The following HS3ST5 variants were observed in gnomAD, a reference collection of about 807,000 sequenced individuals.
The protein encoded by HS3ST5 is heparan sulfate-glucosamine 3-sulfotransferase 5.
In HS3ST5, 10 loss-of-function variants were observed where a neutral mutation model predicts 25.4. That is an observed-to-expected ratio of 0.39 (90% CI 0.24 to 0.67). The LOEUF is 0.67. HS3ST5 is among the 30% of genes least tolerant of loss of function. The pLI, the probability that HS3ST5 is intolerant of heterozygous loss-of-function variation, is 0.44. For synonymous variants in HS3ST5, 170 were observed against 162.4 expected, an observed-to-expected ratio of 1.05 and a Z score of -0.36; for missense variants, 324 against 420.7, an observed-to-expected ratio of 0.77 and a Z score of 2.01.
rs1237628339 is a variant in HS3ST5, at chr6:114,057,103, G to T, written c.*154C>A. 5.5e-6 allele frequency: 3 copies of T among 546,736 alleles called. No individual in the cohort carries two copies. Among genetic ancestry groups the T allele is most frequent in the East Asian group, 2.9e-5 (1 of 34,336 alleles). 33.9% of individuals were successfully genotyped at this position (546,736 alleles called of 1,614,324 possible). ...TTTTCGTAAATTTTCAGTAGAAAAAGAACTGATCTTATATTTGGTCACACA... is the reference window on the plus strand; with the variant it reads ...TTTTCGTAAATTTTCAGTAGAAAAATAACTGATCTTATATTTGGTCACACA... On this transcript the variant is annotated 3_prime_UTR_variant, in exon 5 of 5. Coordinates refer to ENST00000312719, the MANE Select transcript of HS3ST5 (RefSeq NM_153612.4).
intron 1 of HS3ST5, among the ~76,000 whole-genome samples, chr6:114,296,457 T>C (rs1340147528): frequency 6.6e-6 from 1 of 152,194 alleles, no homozygotes; most frequent in Non-Finnish European, 1.5e-5. Flanking sequence ...AATGTATTCA[T>C]CCATCTCCAT....
chr6:114,083,826 AT>A (rs145942001), intron 3 of HS3ST5, among the ~76,000 whole-genome samples: 2,200 of 152,274 alleles, frequency 0.014, 25 homozygotes, highest in Non-Finnish European at 0.022. Flanking sequence ...GATTAGATGT[AT>A]GCTAAACCTT....
Position 114,083,058 on chromosome 6 carries a change from A to T in HS3ST5, c.-32-20181T>A, listed in dbSNP as rs565413418. ...AATTAAAAAGAAAATTTTACATTCAAGTGCTATTTCTTTTGCAGCACGGAA... is the reference window on the plus strand; with the variant it reads ...AATTAAAAAGAAAATTTTACATTCATGTGCTATTTCTTTTGCAGCACGGAA... On this transcript the variant is annotated intron_variant, in intron 3 of 4. Transcript: ENST00000312719. 3.3e-5 allele frequency among the ~76,000 whole-genome samples: 5 copies of T among 152,348 alleles called. No individual in the cohort carries two copies. In the East Asian group the frequency reaches 9.6e-4, roughly 29 times the overall value.
chr6:114,059,065 G>A (rs1486788750), intron 4 of HS3ST5: 1 of 152,212 alleles, frequency 6.6e-6, no homozygotes, highest in Non-Finnish European at 1.5e-5. Context: ...TTCCACTTCA[G>A]TATTATCCTG....
chr6:114,148,539 T>C (rs1443428620), intron 3 of HS3ST5, among the ~76,000 whole-genome samples: 1 of 152,136 alleles, frequency 6.6e-6, no homozygotes, highest in Non-Finnish European at 1.5e-5. Flanking sequence ...GAGAATCGCT[T>C]GAACCCAGGA....
intron 3 of HS3ST5, chr6:114,088,910 A>G (rs984592231): frequency 2.6e-5 from 4 of 152,224 alleles, no homozygotes; most frequent in Admixed American, 6.5e-5. Context: ...TGCAGAGAGC[A>G]CTGCGCTCAT....
At chr6:114,320,357 T>C (rs1197070577) in intron 1 of HS3ST5, among the ~76,000 whole-genome samples, 2 of 152,116 alleles carry the variant, frequency 1.3e-5, no homozygotes, top group Non-Finnish European at 2.9e-5. Flanking sequence ...ATGACAGTCT[T>C]TATATGCTGA....
intron 3 of HS3ST5, among the ~76,000 whole-genome samples, chr6:114,166,667 G>C (rs1203604867): frequency 6.6e-6 from 1 of 152,116 alleles, no homozygotes; most frequent in East Asian, 1.9e-4. Flanking sequence ...AGGAATGAGA[G>C]GTTAAATTGT....
chr6:114,261,312 G>A (rs2114667766), intron 1 of HS3ST5, among the ~76,000 whole-genome samples: 1 of 152,260 alleles, frequency 6.6e-6, no homozygotes, highest in South Asian at 2.1e-4. Flanking sequence ...CTAATGAGAT[G>A]CTATCATGGG....
chr6:114,148,951 A>T (rs1052823409), intron 3 of HS3ST5, among the ~76,000 whole-genome samples: 1 of 152,232 alleles, frequency 6.6e-6, no homozygotes, highest in Non-Finnish European at 1.5e-5. Context: ...TCAAAAGAAG[A>T]CATTTATGTG....
chr6:114,066,049 C>T (rs1004458928), intron 3 of HS3ST5, among the ~76,000 whole-genome samples: 1 of 152,210 alleles, frequency 6.6e-6, no homozygotes, highest in African/African-American at 2.4e-5. Context: ...TCCAATCACC[C>T]ACCTCCACTA....
In HS3ST5 at chr6:114,210,350, C is replaced by G. The variant is rs145204165; in HGVS notation, c.-145+18235G>C. 9.1e-4 allele frequency among the ~76,000 whole-genome samples: 139 copies of G among 152,206 alleles called. 1 individual carries two copies. Among genetic ancestry groups the G allele is most frequent in the Non-Finnish European group, 1.3e-3 (86 of 68,012 alleles). On this transcript the variant is annotated intron_variant, in intron 2 of 4. Coordinates refer to ENST00000312719, the MANE Select transcript of HS3ST5 (RefSeq NM_153612.4). ...CATTAAAAAATCTGTGATCACAATTCATGTCTTAAGGGATTTTAGCTTATT... is the reference window on the plus strand; with the variant it reads ...CATTAAAAAATCTGTGATCACAATTGATGTCTTAAGGGATTTTAGCTTATT...
At chr6:114,298,996 A>G (rs1207430254) in intron 1 of HS3ST5, among the ~76,000 whole-genome samples, 5 of 152,254 alleles carry the variant, frequency 3.3e-5, no homozygotes, top group African/African-American at 9.6e-5. Flanking sequence ...AGCAATGTTC[A>G]GGGAACAAGA....
chr6:114,291,989 A>G (rs1774598723), intron 1 of HS3ST5, among the ~76,000 whole-genome samples: 2 of 152,226 alleles, frequency 1.3e-5, no homozygotes, highest in Non-Finnish European at 2.9e-5. Context: ...TAGGACATAG[A>G]CAGGAAAACT....
At chr6:114,063,241 A>G (rs1359090246) in intron 3 of HS3ST5, among the ~76,000 whole-genome samples, 1 of 152,186 alleles carries the variant, frequency 6.6e-6, no homozygotes, top group African/African-American at 2.4e-5. Flanking sequence ...TTGGCCGGGT[A>G]CGGTGGCTCA....
chr6:114,067,144 C>T (rs1418572646), intron 3 of HS3ST5, among the ~76,000 whole-genome samples: 1 of 151,704 alleles, frequency 6.6e-6, no homozygotes, highest in Non-Finnish European at 1.5e-5. Flanking sequence ...CCAGATCCTA[C>T]TGGTGTCTTC....
intron 1 of HS3ST5, among the ~76,000 whole-genome samples, chr6:114,260,499 T>TA (rs1425661447): frequency 6.6e-6 from 1 of 152,200 alleles, no homozygotes; most frequent in African/African-American, 2.4e-5. Context: ...ATAATCAATA[T>TA]AAAAAGGTAG....
At chr6:114,081,482 G>T (rs1254162236) in intron 3 of HS3ST5, among the ~76,000 whole-genome samples, 9 of 152,192 alleles carry the variant, frequency 5.9e-5, no homozygotes, top group Non-Finnish European at 1.5e-5. Context: ...AGAAATGAAA[G>T]AGGTGTCAAA....
intron 3 of HS3ST5, among the ~76,000 whole-genome samples, chr6:114,121,317 C>A (rs1337717760): frequency 6.6e-6 from 1 of 152,162 alleles, no homozygotes; most frequent in African/African-American, 2.4e-5. Flanking sequence ...AAGCAACCAC[C>A]ACAGTGTCAA....
Sources: gnomAD v4.1 joint callset for allele counts (sites outside exome capture counted in the v4.1 genomes callset) on GRCh38, gnomAD v4.1.1 for gene constraint, MANE v1.5 for transcripts, NCBI Gene and HGNC (gene_info 2026-07-23, HGNC 2026-07-21) for gene names.